PUDP: variants seen among roughly 807,000 people sequenced by gnomAD.
PUDP encodes pseudouridine 5'-phosphatase, also known as pseudouridine-5'-phosphatase.
PUDP carries 8 observed loss-of-function variants against 9.4 expected under a neutral mutation model. The ratio of observed to expected loss-of-function variants is 0.85; its 90% CI spans 0.50 to 1.53. PUDP has a LOEUF of 1.53. Ranked by LOEUF, PUDP falls within the 40% of genes most tolerant of loss-of-function variation. PUDP has a pLI of 0.00. For missense variants in PUDP, 188 were observed against 189.7 expected, an observed-to-expected ratio of 0.99 and a Z score of 0.05; for synonymous variants, 99 against 80.7, an observed-to-expected ratio of 1.23 and a Z score of -1.22.
intron 3 of PUDP, among the ~76,000 whole-genome samples, chrX:6,795,922 T>A (rs1925836971): frequency 8.9e-6 from 1 of 112,124 alleles, no homozygotes; most frequent in Middle Eastern, 4.2e-3. Context: ...AAACCCCTCA[T>A]GGGTGACTCT....
At chrX:6,914,027 C>T (rs1232450492) in intron 3 of PUDP, among the ~76,000 whole-genome samples, 1 of 108,881 alleles carries the variant, frequency 9.2e-6, no homozygotes, top group Non-Finnish European at 1.9e-5. Flanking sequence ...ATTAGCCGGG[C>T]GTGGTGGCGG....
At chrX:7,121,111 T>C (rs1209815335) in intron 1 of PUDP, among the ~76,000 whole-genome samples, 3 of 111,694 alleles carry the variant, frequency 2.7e-5, no homozygotes, top group African/African-American at 9.8e-5. Context: ...GTGCAGTTTA[T>C]TGTACTCCAA....
intron 3 of PUDP, among the ~76,000 whole-genome samples, chrX:6,728,594 G>T (rs1275842707): frequency 9.0e-6 from 1 of 111,707 alleles, no homozygotes; most frequent in East Asian, 2.8e-4. Context: ...GTGACTTGCC[G>T]AAAGTCACGT....
intron 3 of PUDP, among the ~76,000 whole-genome samples, chrX:6,782,715 C>G (rs776648832): frequency 2.7e-4 from 30 of 112,409 alleles, no homozygotes; most frequent in Non-Finnish European, 5.1e-4. Flanking sequence ...TAGAAGATGT[C>G]AGTCACTTAG....
At chrX:6,927,964 CT>C (rs34707742) in intron 3 of PUDP, among the ~76,000 whole-genome samples, 28,117 of 93,490 alleles carry the variant, frequency 0.3, 3,965 homozygotes, top group Non-Finnish European at 0.4. Flanking sequence ...GTGGTCTTCT[CT>C]TTTTTTTTTT....
chrX:6,764,457 C>A (rs114622557), intron 3 of PUDP, among the ~76,000 whole-genome samples: 1,850 of 111,728 alleles, frequency 0.017, 41 homozygotes, highest in African/African-American at 0.056. Context: ...CATGTTGGTC[C>A]TGCTTTGTAA....
At chrX:7,026,854 C>T (rs1929718168) in intron 1 of PUDP, among the ~76,000 whole-genome samples, 1 of 111,522 alleles carries the variant, frequency 9.0e-6, no homozygotes, top group Non-Finnish European at 1.9e-5. Context: ...ATGTCAGTAG[C>T]ATCAAGGTTG....
At chrX:6,782,836 T>C (rs764927060) in intron 3 of PUDP, among the ~76,000 whole-genome samples, 1 of 112,370 alleles carries the variant, frequency 8.9e-6, no homozygotes, top group South Asian at 3.7e-4. Context: ...AGAGATTCAG[T>C]TGGTTCACCA....
chrX:6,959,195 G>C (rs759254247), intron 3 of PUDP, among the ~76,000 whole-genome samples: 1 of 111,794 alleles, frequency 8.9e-6, no homozygotes, highest in African/African-American at 3.3e-5. Flanking sequence ...GAATGATCCT[G>C]AAGGTATTTC....
At chrX:7,070,642 A>C (rs767779858) in intron 3 of PUDP, among the ~76,000 whole-genome samples, 2 of 110,856 alleles carry the variant, frequency 1.8e-5, no homozygotes, top group African/African-American at 6.6e-5. Context: ...GCAATGGCAC[A>C]ATCTCGGCTC....
chrX:6,891,406 G>A (rs974663054), intron 3 of PUDP, among the ~76,000 whole-genome samples: 2 of 112,046 alleles, frequency 1.8e-5, no homozygotes, highest in Non-Finnish European at 3.8e-5. Flanking sequence ...AAGCTAACAT[G>A]TGGTTTCTAC....
At chrX:7,026,215 T>C (rs1602719490) in intron 1 of PUDP, among the ~76,000 whole-genome samples, 1 of 111,649 alleles carries the variant, frequency 9.0e-6, no homozygotes, top group Admixed American at 9.5e-5. Flanking sequence ...CATGGCACGG[T>C]AGTGATGGGA....
At position 6,900,338 on chromosome X, in the gene PUDP, C is replaced by G. The variant is rs976572777; in HGVS notation, c.*247+76795G>C. 2.4e-4 allele frequency among the ~76,000 whole-genome samples: 20 copies of G among 81,855 alleles called. 1 individual carries two copies. Among genetic ancestry groups the G allele is most frequent in the East Asian group, 4.4e-4 (1 of 2,251 alleles). 71.1% of individuals were successfully genotyped at this position (81,855 alleles called of 115,157 possible). A position where few individuals can be genotyped will look rare whatever the true frequency, so the allele number is the denominator to read the frequency against. ...GGTTGTCACCACTTGGGGGGGGGGG[C>G]GCTGCTACTGGCATCTGGTGGGTGG... On this transcript the variant is annotated intron_variant and NMD_transcript_variant, in intron 3 of 3. Coordinates refer to the PUDP transcript ENST00000655425.
chrX:7,005,177 G>A (rs184541440), intron 1 of PUDP, among the ~76,000 whole-genome samples: 36 of 110,249 alleles, frequency 3.3e-4, no homozygotes, highest in African/African-American at 1.1e-3. Flanking sequence ...TAAGTAAACT[G>A]ATGGCCATTC....
chrX:6,756,404 T>C (rs1013250905), intron 3 of PUDP, among the ~76,000 whole-genome samples: 7 of 112,244 alleles, frequency 6.2e-5, no homozygotes, highest in Admixed American at 4.7e-4. Context: ...GCCATACAAA[T>C]GGTTGAATGA....
intron 2 of PUDP, among the ~76,000 whole-genome samples, chrX:7,084,517 G>A (rs1438773114): frequency 2.7e-5 from 3 of 111,550 alleles, no homozygotes; most frequent in African/African-American, 9.8e-5. Context: ...CATGGCTTAT[G>A]AAGCAAGCTG....
intron 1 of PUDP, among the ~76,000 whole-genome samples, chrX:7,121,820 G>A (rs1471650032): frequency 8.9e-6 from 1 of 111,770 alleles, no homozygotes; most frequent in Non-Finnish European, 1.9e-5. Context: ...ATAAATTCAG[G>A]AGAGCTCTAC....
intron 1 of PUDP, among the ~76,000 whole-genome samples, chrX:6,995,850 G>C (rs1929243277): frequency 9.3e-6 from 1 of 107,236 alleles, no homozygotes; most frequent in Non-Finnish European, 1.9e-5. Context: ...AAATATGAGA[G>C]GCGCTCACAG....
At chrX:6,780,256 C>T (rs781273020) in intron 3 of PUDP, among the ~76,000 whole-genome samples, 92 of 109,318 alleles carry the variant, frequency 8.4e-4, no homozygotes, top group African/African-American at 2.7e-3. Context: ...TACATATATA[C>T]ACACACAAAA....
Sources: gnomAD v4.1 joint callset for allele counts (sites outside exome capture counted in the v4.1 genomes callset) on GRCh38, gnomAD v4.1.1 for gene constraint, MANE v1.5 for transcripts, NCBI Gene and HGNC (gene_info 2026-07-23, HGNC 2026-07-21) for gene names.